The following SOX5 variants were observed in gnomAD, a reference collection of about 807,000 sequenced individuals.
SOX5 encodes the protein transcription factor SOX-5.
SOX5 carries 9 observed loss-of-function variants against 92.0 expected under a neutral mutation model. The ratio of observed to expected loss-of-function variants is 0.10; its 90% CI spans 0.06 to 0.17. The LOEUF (loss-of-function observed/expected upper bound fraction) is 0.17. Among genes scored for constraint, SOX5 ranks in the 10% least tolerant of loss-of-function variants. SOX5 has a pLI of 1.00. For synonymous variants in SOX5, 344 were observed against 336.3 expected (o/e 1.02, Z -0.25); for missense variants, 642 against 944.5 (o/e 0.68, Z 4.20).
intron 2 of SOX5, among the ~76,000 whole-genome samples, chr12:24,359,827 T>C (rs1168785523): frequency 6.6e-6 from 1 of 152,168 alleles, no homozygotes; most frequent in Non-Finnish European, 1.5e-5. Context: ...TGAATAGCCT[T>C]GAAAACAAAA....
Position 23,949,621 on chromosome 12 carries a change from C to T in SOX5, c.-20G>A, listed in dbSNP as rs1353983693. The T allele has an allele frequency of 6.2e-7, 1 of 1,613,634 alleles. No homozygotes were observed. The highest frequency in any genetic ancestry group is 8.5e-7 in the Non-Finnish European group (1 of 1,179,758). On this transcript the variant is annotated 5_prime_UTR_variant, in exon 1 of 15. Transcript: ENST00000451604. ...AAGCATGCTGGAAAAGCACAATTTC[C>T]CTTTGTCACAGCAGCCACCTATGAT...
rs11334278 is a variant in SOX5 at position 24,015,922 on chromosome 12, GAA to G, written c.-1-119900_-1-119899del. On this transcript the variant is annotated intron_variant, in intron 4 of 4. Transcript: ENST00000446891. ...CAAAGACTACTATTCAATGGGGGCA[GAA>G]AAAAAAAAAAAATCACAGTAAGACA... Among the ~76,000 whole-genome samples, 498 of 145,166 alleles carry G rather than the reference GAA, an allele frequency of 3.4e-3. 5 individuals carry two copies. The highest frequency in any genetic ancestry group is 0.011 in the African/African-American group (423 of 39,578).
At chr12:24,391,492 A>G (rs1596222389) in intron 1 of SOX5, among the ~76,000 whole-genome samples, 1 of 152,182 alleles carries the variant, frequency 6.6e-6, no homozygotes, top group East Asian at 1.9e-4. Context: ...AACCCAATGA[A>G]TAAAAACGGT....
intron 4 of SOX5, among the ~76,000 whole-genome samples, chr12:24,044,800 T>C (rs1000549055): frequency 1.3e-5 from 2 of 152,186 alleles, no homozygotes; most frequent in Non-Finnish European, 1.5e-5. Context: ...GCCTGACATG[T>C]AGCAAGCACT....
chr12:24,364,361 T>C (rs1325046578), intron 2 of SOX5, among the ~76,000 whole-genome samples: 2 of 151,778 alleles, frequency 1.3e-5, no homozygotes, highest in East Asian at 1.9e-4. Context: ...AAGAAAAATA[T>C]GGTTTGGATT....
chr12:23,945,225 A>G (rs758018261), intron 1 of SOX5, among the ~76,000 whole-genome samples: 28 of 152,188 alleles, frequency 1.8e-4, no homozygotes, highest in Non-Finnish European at 3.7e-4. Flanking sequence ...AAAGAATCAG[A>G]ACAGGTCTTA....
chr12:23,826,785 C>T (rs922943739), intron 3 of SOX5, among the ~76,000 whole-genome samples: 2 of 152,182 alleles, frequency 1.3e-5, no homozygotes, highest in Non-Finnish European at 2.9e-5. Context: ...GCTCCCAAGT[C>T]TTCCACATGA....
intron 2 of SOX5, among the ~76,000 whole-genome samples, chr12:23,848,448 A>C (rs942863909): frequency 2.0e-5 from 3 of 152,200 alleles, no homozygotes; most frequent in Admixed American, 2.0e-4. Flanking sequence ...TCACACAGGA[A>C]TATTTATCTT....
chr12:23,777,968 C>T lies in SOX5; in HGVS notation c.482-22244G>A, dbSNP rs368280686. Among the ~76,000 whole-genome samples the T allele has an allele frequency of 9.2e-5, 14 of 152,234 alleles. No individual in the cohort carries two copies. In the South Asian group the frequency reaches 2.7e-3, roughly 29 times the overall value. On this transcript the variant is annotated intron_variant, in intron 3 of 14. Coordinates refer to ENST00000451604, the MANE Select transcript of SOX5 (RefSeq NM_006940.6). ...GTGGGTTTGTGTTTAAAGATACATA[C>T]TTTTCATAAAATATGAAACACAAAT...
intron 8 of SOX5, among the ~76,000 whole-genome samples, chr12:23,623,033 A>G (rs117321479): frequency 0.021 from 3,129 of 152,238 alleles, 52 homozygotes; most frequent in Middle Eastern, 0.044. Flanking sequence ...GAAAAACAAC[A>G]TGGTGAAACT....
rs904701190 is a variant in SOX5 at position 23,898,485 on chromosome 12, C to T, written c.39-2461G>A. Among the ~76,000 whole-genome samples the T allele has an allele frequency of 3.9e-5, 6 of 152,156 alleles. No homozygotes were observed. In the South Asian group the frequency reaches 1.2e-3, roughly 32 times the overall value. ...AATACAATTCTATGACCTTCAGAAC[C>T]ATGACCTTTCTGTTGATTTCTACTT... On this transcript the variant is annotated intron_variant, in intron 1 of 14. Coordinates refer to ENST00000451604, the MANE Select transcript of SOX5 (RefSeq NM_006940.6).
At chr12:23,760,952 G>A (rs2094547479) in intron 3 of SOX5, among the ~76,000 whole-genome samples, 2 of 152,210 alleles carry the variant, frequency 1.3e-5, no homozygotes, top group East Asian at 3.9e-4. Flanking sequence ...AGTACGCTAT[G>A]TATGATATTT....
At chr12:24,129,586 C>A (rs1006061802) in intron 4 of SOX5, among the ~76,000 whole-genome samples, 6 of 152,022 alleles carry the variant, frequency 3.9e-5, no homozygotes, top group African/African-American at 9.7e-5. Flanking sequence ...GGAGGGTGAC[C>A]GTCCATTCCA....
At chr12:24,390,131 A>C (rs1958837213) in intron 1 of SOX5, among the ~76,000 whole-genome samples, 1 of 152,106 alleles carries the variant, frequency 6.6e-6, no homozygotes, top group Admixed American at 6.5e-5. Context: ...ACTCCTCTTT[A>C]TATGAACTCT....
intron 3 of SOX5, among the ~76,000 whole-genome samples, chr12:23,786,225 A>G (rs2095374496): frequency 6.6e-6 from 1 of 152,072 alleles, no homozygotes; most frequent in Non-Finnish European, 1.5e-5. Context: ...CAATCATACC[A>G]GAAAGACATA....
chr12:24,285,069 G>A (rs1945701048), intron 2 of SOX5, among the ~76,000 whole-genome samples: 1 of 152,142 alleles, frequency 6.6e-6, no homozygotes, highest in Non-Finnish European at 1.5e-5. Flanking sequence ...GGAGGTGGAG[G>A]TGGCAGTGAA....
chr12:24,398,462 C>T (rs554216901), intron 1 of SOX5, among the ~76,000 whole-genome samples: 16 of 152,296 alleles, frequency 1.1e-4, no homozygotes, highest in Admixed American at 8.5e-4. Context: ...CAGGTTTGCA[C>T]CACTGCACTC....
At chr12:24,344,516 C>T (rs1173413427) in intron 2 of SOX5, among the ~76,000 whole-genome samples, 1 of 152,042 alleles carries the variant, frequency 6.6e-6, no homozygotes, top group Non-Finnish European at 1.5e-5. Flanking sequence ...GTGCCACTGT[C>T]ACACCTTGAA....
intron 4 of SOX5, among the ~76,000 whole-genome samples, chr12:24,088,770 G>C (rs139282181): frequency 8.9e-4 from 135 of 152,028 alleles, no homozygotes; most frequent in African/African-American, 3.1e-3. Context: ...CAACACATTT[G>C]AGGAACATTA....
Sources: gnomAD v4.1 joint callset for allele counts (sites outside exome capture counted in the v4.1 genomes callset) on GRCh38, gnomAD v4.1.1 for gene constraint, MANE v1.5 for transcripts, NCBI Gene and HGNC (gene_info 2026-07-23, HGNC 2026-07-21) for gene names.